The following FAM111B variants were observed in gnomAD, a reference collection of about 807,000 sequenced individuals.
FAM111B encodes serine protease FAM111B.
In FAM111B, 1 loss-of-function variant was observed where a neutral mutation model predicts 2.8. The observed-to-expected ratio is 0.36, with a 90% CI of 0.13 to 1.70. The LOEUF (loss-of-function observed/expected upper bound fraction) is 1.70, where lower values mean the gene tolerates loss of function less well. Ranked by LOEUF, FAM111B falls within the 40% of genes most tolerant of loss-of-function variation. FAM111B has a pLI of 0.35. For synonymous variants in FAM111B, 297 were observed against 295.6 expected (o/e 1.00, Z -0.05); for missense variants, 882 against 878.9 (o/e 1.00, Z -0.04).
At chr11:59,107,788 A>G (rs1418158671) in intron 1 of FAM111B, among the ~76,000 whole-genome samples, 1 of 152,142 alleles carries the variant, frequency 6.6e-6, no homozygotes, top group Non-Finnish European at 1.5e-5. Flanking sequence ...TTGCCACCCA[A>G]CACTACATGT....
Position 59,126,488 on chromosome 11 carries a change from C to A in FAM111B, c.*186C>A. 2.1e-6 allele frequency: 1 copy of A among 474,840 alleles called. No homozygotes were observed. 29.4% of individuals were successfully genotyped at this position (474,840 alleles called of 1,614,324 possible). A position where few individuals can be genotyped will look rare whatever the true frequency, so the allele number is the denominator to read the frequency against. On this transcript the variant is annotated 3_prime_UTR_variant, in exon 4 of 4. Coordinates refer to ENST00000343597, the MANE Select transcript of FAM111B (RefSeq NM_198947.4). ...CCTACGGAATGGGAGAAAATATTTG[C>A]AAACTATGCATACAGCAAAGATCTA...
At chr11:59,120,916 C>A (rs547904307) in intron 3 of FAM111B, among the ~76,000 whole-genome samples, 5 of 152,178 alleles carry the variant, frequency 3.3e-5, no homozygotes, top group African/African-American at 1.2e-4. Context: ...CAGTACAGAT[C>A]AGTGGAGAAA....
intron 2 of FAM111B, among the ~76,000 whole-genome samples, chr11:59,109,277 C>G (rs1385233498): frequency 6.6e-6 from 1 of 152,208 alleles, no homozygotes; most frequent in African/African-American, 2.4e-5. Flanking sequence ...CTGTCTTCTC[C>G]CTAGTACTCT....
At chr11:59,109,039 G>T (rs535322792) in intron 2 of FAM111B, among the ~76,000 whole-genome samples, 1 of 152,190 alleles carries the variant, frequency 6.6e-6, no homozygotes, top group East Asian at 1.9e-4. Context: ...GAAATACCTT[G>T]CAGAGTAGTC....
chr11:59,107,671 A>G (rs986260688), intron 1 of FAM111B, among the ~76,000 whole-genome samples: 104 of 152,250 alleles, frequency 6.8e-4, no homozygotes, highest in African/African-American at 3.4e-4. Context: ...GTGTAGTGTG[A>G]GGGTGCTTCT....
At chr11:59,108,299 G>T (rs1859698242) in intron 1 of FAM111B, among the ~76,000 whole-genome samples, 1 of 152,206 alleles carries the variant, frequency 6.6e-6, no homozygotes, top group Non-Finnish European at 1.5e-5. Context: ...TTTTAGGGTG[G>T]TTCTTTCCTG....
At position 59,126,781 on chromosome 11, in the gene FAM111B, A is replaced by C. The variant is rs1860044550; in HGVS notation, c.*479A>C. ...GTTGCAGAGAAAGGGGAATGCTTAT[A>C]CACTGCTAGTGGGAAAATAAATTAG... is the stretch of plus-strand genomic sequence containing the variant. On this transcript the variant is annotated 3_prime_UTR_variant, in exon 4 of 4. Coordinates refer to ENST00000343597, the MANE Select transcript of FAM111B (RefSeq NM_198947.4). The C allele has an allele frequency of 6.3e-6, 1 of 158,266 alleles. No homozygotes were observed. The highest frequency in any genetic ancestry group is 2.4e-5 in the African/African-American group (1 of 41,466). 9.8% of individuals were successfully genotyped at this position (158,266 alleles called of 1,614,324 possible). A position where few individuals can be genotyped will look rare whatever the true frequency, so the allele number is the denominator to read the frequency against.
In FAM111B at chr11:59,125,943, A is replaced by G. The variant is rs150799690; in HGVS notation, c.1846A>G (p.Thr616Ala). ...CQDGLVDLYDTTSNVYCMFTQ... is the reference protein window; with the variant it reads ...CQDGLVDLYDATSNVYCMFTQ... ...AGATGGGTTGGTAGATCTCTATGAT[A>G]CCACCAGTAATGTATACTGTATGTT... Residue 616 changes from threonine to alanine, a missense_variant, in exon 4 of 4, where the codon ACC becomes GCC. Thr to Ala is a moderately conservative substitution (Grantham distance 58, BLOSUM62 0). Coordinates refer to ENST00000343597, the MANE Select transcript of FAM111B (RefSeq NM_198947.4). The G allele has an allele frequency of 1.2e-5, 19 of 1,613,710 alleles. No homozygotes were observed. The highest frequency in any genetic ancestry group is 1.6e-5 in the Non-Finnish European group (19 of 1,179,812).
At chr11:59,118,732 T>C (rs1407402296) in intron 3 of FAM111B, among the ~76,000 whole-genome samples, 1 of 152,202 alleles carries the variant, frequency 6.6e-6, no homozygotes. Flanking sequence ...AGTTTCCTTT[T>C]ATTCCTAGGT....
At chr11:59,119,199 TG>T (rs1314359361) in intron 3 of FAM111B, among the ~76,000 whole-genome samples, 1 of 152,214 alleles carries the variant, frequency 6.6e-6, no homozygotes, top group Non-Finnish European at 1.5e-5. Context: ...GAAGACTTAA[TG>T]GGGACCCTCT....
rs767963098 is a variant in FAM111B at position 59,125,164 on chromosome 11, A to G, written c.1067A>G (p.Lys356Arg). 1 of 1,613,936 alleles carries G rather than the reference A, an allele frequency of 6.2e-7. No homozygotes were observed. Among genetic ancestry groups the G allele is most frequent in the Non-Finnish European group, 8.5e-7 (1 of 1,179,854 alleles). Residue 356 changes from lysine to arginine, a missense_variant, in exon 4 of 4, where the codon AAA becomes AGA. Coordinates refer to ENST00000343597, the MANE Select transcript of FAM111B (RefSeq NM_198947.4). ...TATTACTTTTGTAGTTTGCCCCGAA[A>G]ATATAGGCAAATAAACTCACAAGTT... ...RNYYFCSLPR[K>R]YRQINSQVRR...
At chr11:59,119,299 G>A (rs149117264) in intron 3 of FAM111B, among the ~76,000 whole-genome samples, 56 of 152,288 alleles carry the variant, frequency 3.7e-4, no homozygotes, top group Non-Finnish European at 6.9e-4. Flanking sequence ...GCTACTGAGC[G>A]TTGCCTGGAT....
In FAM111B at chr11:59,124,721, A is replaced by G; in HGVS notation, c.624A>G (p.Gly208=). The change falls in exon 4 of 4, where the codon GGA becomes GGG. Residue 208 remains glycine (G), a synonymous_variant. Coordinates refer to ENST00000343597, the MANE Select transcript of FAM111B (RefSeq NM_198947.4). ...AGATCAACGAACTTCATGAAAAAGG[A>G]AGTAAACTTTGTATTTATGCCTTGA... ...IVKINELHEK[G]SKLCIYALKG... is the part of the protein sequence containing the mutation. 1 of 1,613,768 alleles carries G rather than the reference A, an allele frequency of 6.2e-7. No individual in the cohort carries two copies. Among genetic ancestry groups the G allele is most frequent in the Non-Finnish European group, 8.5e-7 (1 of 1,179,764 alleles).
intron 3 of FAM111B, among the ~76,000 whole-genome samples, chr11:59,121,479 T>C (rs1283859498): frequency 6.6e-6 from 1 of 152,198 alleles, no homozygotes; most frequent in Non-Finnish European, 1.5e-5. Flanking sequence ...TAATGAGAAC[T>C]CTCATTTCTC....
chr11:59,119,943 TATAG>T (rs1335056767), intron 3 of FAM111B, among the ~76,000 whole-genome samples: 1 of 152,170 alleles, frequency 6.6e-6, no homozygotes. Context: ...AAAAAATATT[TATAG>T]ATAAAATATT....
rs1366955283 is a variant in FAM111B, at chr11:59,125,105, T to C, written c.1008T>C (p.Asp336=). 1 of 1,613,838 alleles carries C rather than the reference T, an allele frequency of 6.2e-7. No homozygotes were observed. Among genetic ancestry groups the C allele is most frequent in the South Asian group, 1.1e-5 (1 of 91,052 alleles). ...AGGATCTAAGCCATTATATTAAAGA[T>C]AAAACTCGCCAGACAATTCCCAGGA... is the stretch of plus-strand genomic sequence containing the variant. ...PPQDLSHYIK[D]KTRQTIPRIR... is the part of the protein sequence containing the mutation. The change falls in exon 4 of 4, where the codon GAT becomes GAC. Residue 336 remains aspartate, a synonymous_variant. Coordinates refer to ENST00000343597, the MANE Select transcript of FAM111B (RefSeq NM_198947.4).
rs1860051454 is a variant in FAM111B, at chr11:59,127,114, TC to T, written c.*814del. On this transcript the variant is annotated 3_prime_UTR_variant, in exon 4 of 4. Transcript: ENST00000343597. ...ACATGGATGGAACTGAAGGTCATTA[TC>T]CTAAGCGAACTAATGCAGGAACAGA... is the stretch of plus-strand genomic sequence containing the variant. 6.6e-6 allele frequency: 1 copy of T among 152,180 alleles called. No individual in the cohort carries two copies. Among genetic ancestry groups the T allele is most frequent in the Non-Finnish European group, 1.5e-5 (1 of 68,042 alleles). The allele number at this position is 152,180 out of a possible 1,614,324, so 9.4% of individuals were successfully genotyped here.
rs1455254820 is a variant in FAM111B at position 59,109,548 on chromosome 11, G to C, written c.-78G>C. 2.9e-6 allele frequency: 3 copies of C among 1,031,854 alleles called. No homozygotes were observed. In the East Asian group the frequency reaches 7.8e-5, roughly 27 times the overall value. 63.9% of individuals were successfully genotyped at this position (1,031,854 alleles called of 1,614,324 possible). A position where few individuals can be genotyped will look rare whatever the true frequency, so the allele number is the denominator to read the frequency against. ...TTTTTTGGTTTTTTTAGACATTTCAGGTGGCAGAATAAATTCAATCCTTGT... is the reference window on the plus strand; with the variant it reads ...TTTTTTGGTTTTTTTAGACATTTCACGTGGCAGAATAAATTCAATCCTTGT... On this transcript the variant is annotated 5_prime_UTR_variant, in exon 3 of 4. Transcript: ENST00000343597.
chr11:59,117,602 T>C (rs1427932650), intron 3 of FAM111B, among the ~76,000 whole-genome samples: 1 of 152,190 alleles, frequency 6.6e-6, no homozygotes, highest in East Asian at 1.9e-4. Context: ...GTGGTACATG[T>C]AGCAGAGCCT....
Sources: allele counts gnomAD v4.1 joint callset (sites outside exome capture counted in the v4.1 genomes callset), GRCh38; gene constraint gnomAD v4.1.1; transcripts MANE v1.5; gene names NCBI Gene and HGNC (gene_info 2026-07-23, HGNC 2026-07-21).